CDH17: variants seen among roughly 807,000 people sequenced by gnomAD.
CDH17 encodes cadherin 17, also known as cadherin-17.
A neutral mutation model predicts 86.3 loss-of-function variants in CDH17; 67 were observed. That is an observed-to-expected ratio of 0.78 (90% CI 0.64 to 0.95). The LOEUF is 0.95. Ranked by LOEUF, CDH17 falls within the 40% of genes least tolerant of loss-of-function variation. CDH17 has a pLI of 0.00. For synonymous variants in CDH17, 367 were observed against 366.4 expected, an observed-to-expected ratio of 1.00 and a Z score of -0.02; for missense variants, 993 against 1,017.6, an observed-to-expected ratio of 0.98 and a Z score of 0.33.
intron 15 of CDH17, among the ~76,000 whole-genome samples, chr8:94,134,887 A>C (rs1368582754): frequency 6.6e-6 from 1 of 152,202 alleles, no homozygotes; most frequent in Non-Finnish European, 1.5e-5. Context: ...TTCAAAAAAC[A>C]TCTTTATTTT....
At chr8:94,192,320 G>A (rs1165297048) in intron 2 of CDH17, among the ~76,000 whole-genome samples, 1 of 152,246 alleles carries the variant, frequency 6.6e-6, no homozygotes. Context: ...GCGGCTTTAT[G>A]CAGGAGTTGG....
At position 94,151,945 on chromosome 8, in the gene CDH17, C is replaced by G. The variant is rs779795494; in HGVS notation, c.1719G>C (p.Ala573=). The G allele has an allele frequency of 6.2e-7, 1 of 1,614,152 alleles. No homozygotes were observed. The highest frequency in any genetic ancestry group is 8.5e-7 in the Non-Finnish European group (1 of 1,180,010). Residue 573 remains alanine (A), a synonymous_variant, in exon 13 of 18, where the codon GCG becomes GCC. Coordinates refer to ENST00000027335, the MANE Select transcript of CDH17 (RefSeq NM_004063.4). ...CTATAGCTACATCCTCACTGACTTT[C>G]GCTTGGAATACGTGTTGGGAAAATT... ...APQFSQHVFQ[A]KVSEDVAIGT... is the part of the protein sequence containing the mutation.
upstream of CDH17, among the ~76,000 whole-genome samples, chr8:94,210,789 G>C (rs1476744100): frequency 6.6e-6 from 1 of 152,134 alleles, no homozygotes; most frequent in Non-Finnish European, 1.5e-5. Context: ...GGGAGGCTGA[G>C]GCAGGCAGAT....
chr8:94,200,123 C>T (rs917714661), intron 1 of CDH17, among the ~76,000 whole-genome samples: 4 of 152,148 alleles, frequency 2.6e-5, no homozygotes, highest in Admixed American at 6.5e-5. Context: ...AGGCAAACTA[C>T]ACTAGTGCTA....
chr8:94,174,319 C>A (rs1813330475), intron 5 of CDH17, 59 bp from the exon 6 acceptor site: 2 of 1,495,260 alleles, frequency 1.3e-6, no homozygotes, highest in South Asian at 1.3e-5. Context: ...AAACCCAAAC[C>A]AACCATAGCT....
At chr8:94,192,852 AC>A (rs1330918106) in intron 2 of CDH17, among the ~76,000 whole-genome samples, 2 of 152,128 alleles carry the variant, frequency 1.3e-5, no homozygotes, top group African/African-American at 4.8e-5. Flanking sequence ...TGTGTTTCTA[AC>A]CCTCTGATAA....
intron 13 of CDH17, 68 bp from the exon 14 acceptor site, chr8:94,148,942 G>T: frequency 7.1e-7 from 1 of 1,399,726 alleles, no homozygotes; most frequent in Non-Finnish European, 9.8e-7. Flanking sequence ...GCTAGTTTGT[G>T]CGTCAACTAA....
At chr8:94,207,549 T>G (rs982233848) in intron 1 of CDH17, among the ~76,000 whole-genome samples, 12 of 152,210 alleles carry the variant, frequency 7.9e-5, no homozygotes, top group Non-Finnish European at 1.5e-4. Context: ...ACTCGCTTTG[T>G]TTCCTGGTGA....
chr8:94,204,285 A>C (rs940642475), intron 1 of CDH17, among the ~76,000 whole-genome samples: 7 of 152,000 alleles, frequency 4.6e-5, no homozygotes, highest in African/African-American at 1.7e-4. Context: ...GATTTGTCCT[A>C]ATACTCTCCC....
Position 94,146,065 on chromosome 8 carries a change from CAGA to C in CDH17, c.2027_2029del (p.Phe676del), listed in dbSNP as rs780639150. The C allele has an allele frequency of 8.7e-6, 14 of 1,613,540 alleles. No individual in the cohort carries two copies. Among genetic ancestry groups the C allele is most frequent in the Non-Finnish European group, 1.2e-5 (14 of 1,179,744 alleles). On this transcript the variant is annotated inframe_deletion, in exon 15 of 18. Transcript: ENST00000027335. ...ACTTCCAGGTGCACTGAGGGGATGGCAGAAGAACAAGCCCGTGTAGTCCTTGGC... is the reference window on the plus strand; with the variant it reads ...ACTTCCAGGTGCACTGAGGGGATGGCAGAACAAGCCCGTGTAGTCCTTGGC...
intron 1 of CDH17, among the ~76,000 whole-genome samples, chr8:94,206,639 AT>A (rs35064887): frequency 9.3e-4 from 121 of 130,406 alleles, no homozygotes; most frequent in South Asian, 3.5e-3. Flanking sequence ...CATCATCCAG[AT>A]TTTTTTTTTT....
At chr8:94,198,039 C>G (rs570098673) in intron 1 of CDH17, among the ~76,000 whole-genome samples, 3 of 151,996 alleles carry the variant, frequency 2.0e-5, no homozygotes, top group Admixed American at 6.5e-5. Context: ...TCTGGAATTT[C>G]AACTCTTGCT....
intron 15 of CDH17, among the ~76,000 whole-genome samples, chr8:94,134,417 T>C (rs1812481223): frequency 6.6e-6 from 1 of 152,254 alleles, no homozygotes; most frequent in Admixed American, 6.5e-5. Flanking sequence ...TATCCATTTC[T>C]TCTAGATTTT....
chr8:94,195,906 G>A (rs747459183), intron 1 of CDH17, among the ~76,000 whole-genome samples: 14 of 151,994 alleles, frequency 9.2e-5, no homozygotes, highest in East Asian at 3.9e-4. Flanking sequence ...GACTACAGGC[G>A]CCTGCCACCA....
At chr8:94,134,881 A>G (rs994316575) in intron 15 of CDH17, among the ~76,000 whole-genome samples, 14 of 152,210 alleles carry the variant, frequency 9.2e-5, no homozygotes, top group Non-Finnish European at 8.8e-5. Context: ...ATTGGTTTCA[A>G]AAAACATCTT....
chr8:94,196,861 T>C (rs530439462), intron 1 of CDH17, among the ~76,000 whole-genome samples: 24 of 152,206 alleles, frequency 1.6e-4, no homozygotes, highest in Admixed American at 7.2e-4. Flanking sequence ...TAACCACGTG[T>C]ACAGTAAGCA....
chr8:94,199,847 A>G (rs190410830), intron 1 of CDH17, among the ~76,000 whole-genome samples: 2 of 152,254 alleles, frequency 1.3e-5, no homozygotes, highest in East Asian at 3.9e-4. Flanking sequence ...CTACTCATCT[A>G]TAAAGCAGGG....
chr8:94,213,514 A>AT (rs1355952507), upstream of CDH17, among the ~76,000 whole-genome samples: 4 of 152,082 alleles, frequency 2.6e-5, no homozygotes, highest in African/African-American at 9.7e-5. Context: ...TCCCTCAGAC[A>AT]TTTTTTTCTC....
In CDH17 at chr8:94,159,959, T is replaced by C; in HGVS notation, c.1551+12A>G. ...ACAAAGACAAATTCTATTAAATAAA[T>C]GGGCTATTTACCTTTTTAATTATGA... On this transcript the variant is annotated intron_variant, in intron 12 of 17. Coordinates refer to ENST00000027335, the MANE Select transcript of CDH17 (RefSeq NM_004063.4). 6.3e-7 allele frequency: 1 copy of C among 1,584,190 alleles called. No individual in the cohort carries two copies. The highest frequency in any genetic ancestry group is 1.2e-5 in the South Asian group (1 of 86,130).
Sources: allele counts gnomAD v4.1 joint callset (sites outside exome capture counted in the v4.1 genomes callset), GRCh38; gene constraint gnomAD v4.1.1; transcripts MANE v1.5; gene names NCBI Gene and HGNC (gene_info 2026-07-23, HGNC 2026-07-21).